BRD10: variants seen among roughly 807,000 people sequenced by gnomAD.
BRD10 encodes bromodomain containing 10.
At chr9:6,007,943 C>T in the BRD10 span, 152 of 1,328,194 alleles carry the variant, frequency 1.1e-4, 1 homozygote, top group Non-Finnish European at 1.6e-5. Context: ...TCGGTGCGCG[C>T]GGGGGTCTTG....
At chr9:5,882,199 G>A in the BRD10 span, among the ~76,000 whole-genome samples, 1 of 152,104 alleles carries the variant, frequency 6.6e-6, no homozygotes, top group African/African-American at 2.4e-5. Flanking sequence ...GCCAAATGTT[G>A]TAGAGGGCAT....
chr9:5,991,971 G>A, the BRD10 span, among the ~76,000 whole-genome samples: 1 of 152,006 alleles, frequency 6.6e-6, no homozygotes, highest in Non-Finnish European at 1.5e-5. Context: ...CTTTGCACTT[G>A]ATCACTCTCC....
chr9:5,948,346 A>T, the BRD10 span, among the ~76,000 whole-genome samples: 8,959 of 152,250 alleles, frequency 0.059, 376 homozygotes, highest in Non-Finnish European at 0.084. Flanking sequence ...ACACAAAAAT[A>T]AAGAAATCTA....
At chr9:6,007,467 G>GC in the BRD10 span, 2 of 1,608,890 alleles carry the variant, frequency 1.2e-6, no homozygotes, top group Non-Finnish European at 1.7e-6. Flanking sequence ...CGGTGGCAAC[G>GC]CCCCCCAAGG....
chr9:5,920,393 C>G, the BRD10 span: 1 of 1,614,008 alleles, frequency 6.2e-7, no homozygotes, highest in East Asian at 2.2e-5. Flanking sequence ...ACAAGGTTCA[C>G]TGAACTGACT....
At chr9:5,881,239 C>T in the BRD10 span, among the ~76,000 whole-genome samples, 1 of 152,114 alleles carries the variant, frequency 6.6e-6, no homozygotes, top group Non-Finnish European at 1.5e-5. Flanking sequence ...GAGTCAAATG[C>T]CCCTCTCAAA....
At chr9:5,898,153 C>T in the BRD10 span, 2 of 153,698 alleles carry the variant, frequency 1.3e-5, no homozygotes, top group Admixed American at 1.3e-4. Context: ...AAGCCATCCT[C>T]CTGTCTCAGC....
chr9:5,935,802 ACT>A, the BRD10 span, among the ~76,000 whole-genome samples: 7 of 152,184 alleles, frequency 4.6e-5, no homozygotes, highest in African/African-American at 1.7e-4. Flanking sequence ...ACAACGCCTA[ACT>A]CTGACAGAAA....
chr9:5,964,969 G>A, the BRD10 span, among the ~76,000 whole-genome samples: 28 of 148,168 alleles, frequency 1.9e-4, no homozygotes, highest in East Asian at 4.4e-3. Flanking sequence ...TGACAAGTTC[G>A]TGGGTGCAGC....
At chr9:5,914,048 T>G in the BRD10 span, 5 of 452,724 alleles carry the variant, frequency 1.1e-5, no homozygotes, top group Non-Finnish European at 4.4e-6. Context: ...CTTGGCACAC[T>G]TAAGAGAAAG....
the BRD10 span, among the ~76,000 whole-genome samples, chr9:5,960,964 T>G: frequency 2.0e-5 from 3 of 152,246 alleles, no homozygotes; most frequent in Non-Finnish European, 4.4e-5. Context: ...TAAAATGGTA[T>G]GTATAGTATA....
chr9:5,949,613 A>C, the BRD10 span, among the ~76,000 whole-genome samples: 1 of 152,184 alleles, frequency 6.6e-6, no homozygotes, highest in East Asian at 1.9e-4. Context: ...TCAATCATGC[A>C]TATGAAATGG....
At chr9:5,920,673 C>T in the BRD10 span, 12 of 1,613,846 alleles carry the variant, frequency 7.4e-6, no homozygotes, top group South Asian at 1.1e-5. Context: ...GAAATAGATA[C>T]AGAACGTGTG....
At chr9:5,920,086 A>G in the BRD10 span, 1 of 1,613,950 alleles carries the variant, frequency 6.2e-7, no homozygotes, top group Non-Finnish European at 8.5e-7. Flanking sequence ...TTGCATTCCC[A>G]AAAGAGTTTA....
the BRD10 span, among the ~76,000 whole-genome samples, chr9:5,991,159 G>A: frequency 2.3e-5 from 2 of 87,050 alleles, no homozygotes; most frequent in African/African-American, 3.4e-5. Context: ...ATATGTGCAT[G>A]TGTGTTTTGT....
At chr9:5,989,735 C>A in the BRD10 span, among the ~76,000 whole-genome samples, 6 of 151,990 alleles carry the variant, frequency 3.9e-5, no homozygotes, top group African/African-American at 7.2e-5. Context: ...CACCATGTTG[C>A]CCAGGCTGGT....
At chr9:6,004,811 T>C in the BRD10 span, among the ~76,000 whole-genome samples, 1 of 152,236 alleles carries the variant, frequency 6.6e-6, no homozygotes, top group Non-Finnish European at 1.5e-5. Context: ...TTGTGACCTA[T>C]GCTTTTCTCA....
At chr9:5,930,246 G>T in the BRD10 span, among the ~76,000 whole-genome samples, 1 of 150,900 alleles carries the variant, frequency 6.6e-6, no homozygotes, top group Admixed American at 6.6e-5. Context: ...AACAGATTTT[G>T]TCCTACAGCA....
chr9:5,951,346 C>A, the BRD10 span, among the ~76,000 whole-genome samples: 2 of 150,926 alleles, frequency 1.3e-5, no homozygotes. Context: ...AAAAACTTCA[C>A]AATTTAACCC....
Sources: allele counts gnomAD v4.1 joint callset (sites outside exome capture counted in the v4.1 genomes callset), GRCh38; gene constraint gnomAD v4.1.1; transcripts MANE v1.5; gene names NCBI Gene and HGNC (gene_info 2026-07-23, HGNC 2026-07-21).